The following ATP8B4 variants were observed in gnomAD, a reference collection of about 807,000 sequenced individuals.
The protein encoded by ATP8B4 is probable phospholipid-transporting ATPase IM.
ATP8B4 carries 133 observed loss-of-function variants against 145.6 expected under a neutral mutation model. That is an observed-to-expected ratio of 0.91 (90% confidence interval 0.79 to 1.05). ATP8B4 has a LOEUF of 1.05. Among genes scored for constraint, ATP8B4 ranks in the 50% least tolerant of loss-of-function variants. The pLI is 0.00. For missense variants in ATP8B4, 1,458 were observed against 1,425.2 expected (o/e 1.02, Z -0.37); for synonymous variants, 507 against 492.9 (o/e 1.03, Z -0.38).
At chr15:49,905,776 A>T (rs2038547921) in intron 20 of ATP8B4, among the ~76,000 whole-genome samples, 1 of 152,108 alleles carries the variant, frequency 6.6e-6, no homozygotes, top group African/African-American at 2.4e-5. Context: ...TTGTAAAAGC[A>T]TTACACAAAC....
At chr15:50,055,831 T>A (rs2052553438) in intron 3 of ATP8B4, among the ~76,000 whole-genome samples, 1 of 152,150 alleles carries the variant, frequency 6.6e-6, no homozygotes. Flanking sequence ...TCAGAAAATA[T>A]GTGAATTACC....
At chr15:49,939,410 C>T (rs1383901552) in intron 14 of ATP8B4, among the ~76,000 whole-genome samples, 1 of 151,804 alleles carries the variant, frequency 6.6e-6, no homozygotes, top group Non-Finnish European at 1.5e-5. Flanking sequence ...ATAAAAAACA[C>T]AAATGTGACA....
intron 9 of ATP8B4, among the ~76,000 whole-genome samples, chr15:49,989,017 C>T (rs2046851484): frequency 6.6e-6 from 1 of 152,166 alleles, no homozygotes; most frequent in South Asian, 2.1e-4. Flanking sequence ...GAAGCCTCCC[C>T]ACTTAGGCAC....
intron 20 of ATP8B4, among the ~76,000 whole-genome samples, chr15:49,907,505 T>C (rs944531440): frequency 2.6e-5 from 4 of 152,166 alleles, no homozygotes; most frequent in African/African-American, 9.7e-5. Flanking sequence ...GTAGTCCTTG[T>C]TGGTGGAAAG....
chr15:49,882,700 C>T (rs191742382), intron 23 of ATP8B4, among the ~76,000 whole-genome samples: 1 of 152,154 alleles, frequency 6.6e-6, no homozygotes, highest in Non-Finnish European at 1.5e-5. Flanking sequence ...TTCGGAACTC[C>T]TAATCATATG....
chr15:49,932,259 T>G (rs532009597), intron 15 of ATP8B4, among the ~76,000 whole-genome samples: 26 of 152,008 alleles, frequency 1.7e-4, no homozygotes, highest in African/African-American at 5.8e-4. Context: ...TGAATATATG[T>G]ATATATTTAT....
At chr15:49,995,601 C>G (rs965823461) in intron 9 of ATP8B4, among the ~76,000 whole-genome samples, 1 of 152,064 alleles carries the variant, frequency 6.6e-6, no homozygotes, top group Non-Finnish European at 1.5e-5. Context: ...TTGCAAAGCA[C>G]AGGCAATAGG....
chr15:50,076,851 C>A (rs951729933), intron 2 of ATP8B4, among the ~76,000 whole-genome samples: 10 of 152,332 alleles, frequency 6.6e-5, no homozygotes, highest in Admixed American at 5.2e-4. Flanking sequence ...CTACAGTTTT[C>A]TGTCTTTAAC....
chr15:49,862,286 T>C lies in ATP8B4; in HGVS notation c.3256A>G (p.Arg1086Gly). ...GGGTATAAATCCACCTTCAAAAATCTGAATGCCACCACTGGCATAACTGAA... is the reference window on the plus strand; with the variant it reads ...GGGTATAAATCCACCTTCAAAAATCCGAATGCCACCACTGGCATAACTGAA... ...VASVMPVVAFRFLKVDLYPTL... is the reference protein window; with the variant it reads ...VASVMPVVAFGFLKVDLYPTL... The change falls in exon 27 of 28, where the codon AGA becomes GGA. Residue 1086 changes from arginine to glycine, a missense_variant. Physicochemically the swap from Arg to Gly is moderately radical, Grantham distance 125. Coordinates refer to ENST00000284509, the MANE Select transcript of ATP8B4 (RefSeq NM_024837.4). 6.2e-7 allele frequency: 1 copy of C among 1,613,728 alleles called. No homozygotes were observed. Among genetic ancestry groups the C allele is most frequent in the African/African-American group, 1.3e-5 (1 of 75,040 alleles).
intron 14 of ATP8B4, among the ~76,000 whole-genome samples, chr15:49,956,159 G>A (rs1247327815): frequency 6.6e-6 from 1 of 152,142 alleles, no homozygotes; most frequent in African/African-American, 2.4e-5. Flanking sequence ...TATTATCCCT[G>A]TAATAATGTC....
intron 18 of ATP8B4, 64 bp from the exon 19 acceptor site, chr15:49,919,014 G>A: frequency 2.5e-6 from 3 of 1,188,406 alleles, no homozygotes; most frequent in East Asian, 2.4e-5. Flanking sequence ...AACATCTATG[G>A]ATTTCACTCA....
At chr15:49,912,365 T>C (rs2039316861) in intron 20 of ATP8B4, among the ~76,000 whole-genome samples, 1 of 151,966 alleles carries the variant, frequency 6.6e-6, no homozygotes, top group Admixed American at 6.6e-5. Context: ...GCCACAGAAA[T>C]ATACAAGATC....
intron 3 of ATP8B4, among the ~76,000 whole-genome samples, chr15:50,070,749 T>C (rs2053675497): frequency 6.6e-6 from 1 of 152,164 alleles, no homozygotes; most frequent in Admixed American, 6.5e-5. Flanking sequence ...TTTTGTTTTG[T>C]TTGTTTTTTG....
At chr15:49,994,123 A>G (rs1567162445) in intron 9 of ATP8B4, among the ~76,000 whole-genome samples, 4 of 152,252 alleles carry the variant, frequency 2.6e-5, no homozygotes, top group South Asian at 4.1e-4. Context: ...CATCACTTGT[A>G]TTGGTTTAAA....
chr15:50,173,133 C>T (rs1225991540), intron 1 of ATP8B4, among the ~76,000 whole-genome samples: 3 of 151,436 alleles, frequency 2.0e-5, no homozygotes, highest in East Asian at 2.0e-4. Context: ...CGCCTCTGCC[C>T]GGCCGCCCCG....
intron 3 of ATP8B4, among the ~76,000 whole-genome samples, chr15:50,055,325 C>T (rs1316472128): frequency 6.6e-6 from 1 of 152,180 alleles, no homozygotes; most frequent in African/African-American, 2.4e-5. Context: ...TTCTTTTACT[C>T]TCAACCAACC....
At position 49,972,679 on chromosome 15, in the gene ATP8B4, T is replaced by G; in HGVS notation, c.1146A>C (p.Glu382Asp). The change falls in exon 13 of 28, where the codon GAA becomes GAC. Residue 382 changes from glutamate (E) to aspartate (D), a missense_variant. Transcript: ENST00000284509. ...AVARTTTLNE[E>D]LGQIEYIFSD... is the part of the protein sequence containing the mutation. ...AGAAAATGTACTCAATCTGCCCCAG[T>G]TCCTCATTGAGCGTGGTCGTTCGAG... 6.2e-7 allele frequency: 1 copy of G among 1,614,028 alleles called. No homozygotes were observed. The highest frequency in any genetic ancestry group is 2.2e-5 in the East Asian group (1 of 44,864).
intron 23 of ATP8B4, among the ~76,000 whole-genome samples, chr15:49,883,793 T>TAA (rs541759581): frequency 1.6e-3 from 244 of 151,346 alleles, no homozygotes; most frequent in African/African-American, 5.7e-3. Flanking sequence ...TAAATTATAT[T>TAA]AAAAAAAAAC....
At chr15:49,985,039 TC>T (rs2046468583) in intron 10 of ATP8B4, among the ~76,000 whole-genome samples, 1 of 152,182 alleles carries the variant, frequency 6.6e-6, no homozygotes, top group Non-Finnish European at 1.5e-5. Flanking sequence ...ATTGCACAAT[TC>T]CTAGTGGTAG....
Sources: allele counts gnomAD v4.1 joint callset (sites outside exome capture counted in the v4.1 genomes callset), GRCh38; gene constraint gnomAD v4.1.1; transcripts MANE v1.5; gene names NCBI Gene and HGNC (gene_info 2026-07-23, HGNC 2026-07-21).